DIAPH3: variants seen among roughly 807,000 people sequenced by gnomAD.
The protein encoded by DIAPH3 is protein diaphanous homolog 3.
DIAPH3 carries 117 observed loss-of-function variants against 144.3 expected under a neutral mutation model. That is an observed-to-expected ratio of 0.81 (90% CI 0.70 to 0.95). The LOEUF (loss-of-function observed/expected upper bound fraction) is 0.95. Ranked by LOEUF, DIAPH3 falls within the 40% of genes least tolerant of loss-of-function variation. DIAPH3 has a pLI of 0.00. For synonymous variants in DIAPH3, 519 were observed against 488.9 expected (o/e 1.06, Z -0.81); for missense variants, 1,421 against 1,412.7 (o/e 1.01, Z -0.09).
At chr13:59,964,135 A>T (rs1204343968) in intron 17 of DIAPH3, among the ~76,000 whole-genome samples, 2 of 152,104 alleles carry the variant, frequency 1.3e-5, no homozygotes. Flanking sequence ...ACAACAATGA[A>T]ATGTAACAAC....
rs77684926 is a variant in DIAPH3 at position 59,753,834 on chromosome 13, A to G, written c.3319+20355T>C. ...AAAGTGCTATAAAAATGTGTGTTTC[A>G]CAAAAACAGCGTTAGCTTTTATGGG... is the stretch of plus-strand genomic sequence containing the variant. On this transcript the variant is annotated intron_variant, in intron 27 of 27. Transcript: ENST00000400324. 2.0e-4 allele frequency among the ~76,000 whole-genome samples: 31 copies of G among 152,320 alleles called. No homozygotes were observed. The East Asian group carries it at 5.8e-3, about 28-fold the overall frequency.
At chr13:60,096,486 T>C (rs2058108012) in intron 3 of DIAPH3, among the ~76,000 whole-genome samples, 2 of 152,162 alleles carry the variant, frequency 1.3e-5, no homozygotes, top group African/African-American at 4.8e-5. Context: ...GGTGTGATGG[T>C]TAATTTTAGG....
chr13:60,081,386 A>C (rs773118982), intron 4 of DIAPH3, among the ~76,000 whole-genome samples: 1 of 152,046 alleles, frequency 6.6e-6, no homozygotes, highest in Non-Finnish European at 1.5e-5. Context: ...ACATAGAAAA[A>C]TGTCATTATT....
At chr13:59,697,188 G>A (rs913931945) in intron 27 of DIAPH3, among the ~76,000 whole-genome samples, 7 of 151,420 alleles carry the variant, frequency 4.6e-5, no homozygotes, top group East Asian at 2.0e-4. Flanking sequence ...GGCCGGGCGC[G>A]GTGGCTCACT....
chr13:59,811,222 T>A (rs964871029), intron 24 of DIAPH3, among the ~76,000 whole-genome samples: 6 of 152,006 alleles, frequency 3.9e-5, no homozygotes, highest in Non-Finnish European at 8.8e-5. Context: ...AAAAAAAAAC[T>A]AATTCACAAA....
At chr13:59,727,150 T>C (rs2035641570) in intron 27 of DIAPH3, among the ~76,000 whole-genome samples, 1 of 152,194 alleles carries the variant, frequency 6.6e-6, no homozygotes, top group Non-Finnish European at 1.5e-5. Flanking sequence ...TACTGTGACC[T>C]ACAGTTAACA....
intron 27 of DIAPH3, among the ~76,000 whole-genome samples, chr13:59,756,410 AAGG>A (rs2037262195): frequency 1.0e-5 from 1 of 95,908 alleles, no homozygotes; most frequent in African/African-American, 5.0e-5. Flanking sequence ...ATTTAGTAAA[AAGG>A]AAGGAAGGAA....
At chr13:59,669,217 C>T (rs12583057) in intron 27 of DIAPH3, among the ~76,000 whole-genome samples, 17,290 of 152,174 alleles carry the variant, frequency 0.11, 1,498 homozygotes, top group African/African-American at 0.23. Context: ...ACTACCTTAA[C>T]ACAGTATATC....
intron 1 of DIAPH3, among the ~76,000 whole-genome samples, chr13:60,143,215 T>C (rs2138329054): frequency 6.6e-6 from 1 of 152,298 alleles, no homozygotes; most frequent in East Asian, 1.9e-4. Context: ...AGGAAGGTTC[T>C]CTAAGCTTGC....
intron 21 of DIAPH3, among the ~76,000 whole-genome samples, chr13:59,868,939 T>A (rs777469288): frequency 6.6e-6 from 1 of 152,232 alleles, no homozygotes; most frequent in Non-Finnish European, 1.5e-5. Flanking sequence ...TCCAAATGAA[T>A]ATACCACAGT....
At chr13:59,854,838 G>A (rs149028506) in intron 22 of DIAPH3, among the ~76,000 whole-genome samples, 9 of 152,244 alleles carry the variant, frequency 5.9e-5, no homozygotes, top group East Asian at 1.9e-4. Context: ...TTAGTTTCTC[G>A]AAAAGATTAA....
At chr13:60,028,990 C>T (rs2054587784) in intron 5 of DIAPH3, among the ~76,000 whole-genome samples, 1 of 150,986 alleles carries the variant, frequency 6.6e-6, no homozygotes, top group African/African-American at 2.4e-5. Flanking sequence ...ACCCAGGAGG[C>T]GGAGGTTGCA....
At chr13:59,733,448 T>C (rs751047723) in intron 27 of DIAPH3, among the ~76,000 whole-genome samples, 9 of 152,146 alleles carry the variant, frequency 5.9e-5, no homozygotes, top group Non-Finnish European at 1.2e-4. Context: ...ACTTGTGTCT[T>C]ATCGTCTTAT....
intron 9 of DIAPH3, among the ~76,000 whole-genome samples, chr13:59,998,840 C>T (rs1358077119): frequency 6.6e-6 from 1 of 152,048 alleles, no homozygotes; most frequent in Admixed American, 6.6e-5. Flanking sequence ...AACAAATTAA[C>T]ATTTGCATCC....
At chr13:59,916,313 G>T in intron 18 of DIAPH3, 64 bp from the exon 19 acceptor site, 1 of 1,201,906 alleles carries the variant, frequency 8.3e-7, no homozygotes, top group Non-Finnish European at 1.2e-6. Flanking sequence ...TTCAGATGTA[G>T]TTCTATTTAT....
At chr13:59,925,448 T>C (rs888823960) in intron 17 of DIAPH3, among the ~76,000 whole-genome samples, 1 of 152,212 alleles carries the variant, frequency 6.6e-6, no homozygotes, top group African/African-American at 2.4e-5. Context: ...CTATTGGATT[T>C]GTTTTGCTAC....
Position 59,885,973 on chromosome 13 carries a change from C to A in DIAPH3, c.2368-6505G>T, listed in dbSNP as rs984654720. Among the ~76,000 whole-genome samples, 3 of 152,000 alleles carry A rather than the reference C, an allele frequency of 2.0e-5. No individual in the cohort carries two copies. In the East Asian group the frequency reaches 5.8e-4, roughly 29 times the overall value. On this transcript the variant is annotated intron_variant, in intron 20 of 27. Transcript: ENST00000400324. ...CCACCAAGATCGTAGACATTTGTGG[C>A]GGCAACCCTAAGAAACTAATACAGG...
chr13:59,913,681 G>T (rs926012712), intron 19 of DIAPH3, among the ~76,000 whole-genome samples: 3 of 152,016 alleles, frequency 2.0e-5, no homozygotes, highest in Non-Finnish European at 4.4e-5. Flanking sequence ...ATATACAGCC[G>T]GGCATGGTGG....
At chr13:59,989,150 A>C (rs1304555008) in intron 12 of DIAPH3, among the ~76,000 whole-genome samples, 3 of 151,858 alleles carry the variant, frequency 2.0e-5, no homozygotes, top group African/African-American at 7.2e-5. Flanking sequence ...CAGGTTATCT[A>C]AGATTGCTGA....
Sources: allele counts gnomAD v4.1 joint callset (sites outside exome capture counted in the v4.1 genomes callset), GRCh38; gene constraint gnomAD v4.1.1; transcripts MANE v1.5; gene names NCBI Gene and HGNC (gene_info 2026-07-23, HGNC 2026-07-21).